Variants in ST6GALNAC5 observed in about 807,000 individuals in gnomAD.
ST6GALNAC5 encodes the protein alpha-N-acetylgalactosaminide alpha-2,6-sialyltransferase 5.
Under a neutral mutation model 33.6 loss-of-function variants are expected in ST6GALNAC5, and 27 were observed. That is an observed-to-expected ratio of 0.80 (90% CI 0.59 to 1.11). The LOEUF (loss-of-function observed/expected upper bound fraction) is 1.11. ST6GALNAC5 is among the 50% of genes least tolerant of loss of function. The pLI, the probability that ST6GALNAC5 is intolerant of heterozygous loss-of-function variation, is 0.00. For synonymous variants in ST6GALNAC5, 194 were observed against 171.2 expected (o/e 1.13, Z -1.04); for missense variants, 428 against 454.0 (o/e 0.94, Z 0.52).
chr1:76,995,508 G>T (rs940022570), intron 2 of ST6GALNAC5: 1 of 151,936 alleles, frequency 6.6e-6, no homozygotes, highest in African/African-American at 2.4e-5. Context: ...TCTTATTGAC[G>T]GACAAGTTAC....
chr1:77,003,554 T>C (rs1167979064), intron 2 of ST6GALNAC5, among the ~76,000 whole-genome samples: 1 of 151,892 alleles, frequency 6.6e-6, no homozygotes, highest in Non-Finnish European at 1.5e-5. Flanking sequence ...CTGGTTCTTT[T>C]GCTCATTAGT....
chr1:77,046,715 GT>G (rs1652022865), intron 3 of ST6GALNAC5, among the ~76,000 whole-genome samples: 1 of 152,200 alleles, frequency 6.6e-6, no homozygotes, highest in Admixed American at 6.5e-5. Context: ...GAATTATTTA[GT>G]TTCATTTTTT....
chr1:76,905,662 G>A (rs552752905), intron 2 of ST6GALNAC5, among the ~76,000 whole-genome samples: 2 of 152,254 alleles, frequency 1.3e-5, no homozygotes, highest in East Asian at 3.9e-4. Context: ...TGTTGATAAT[G>A]ACTAAAAATA....
chr1:76,981,909 A>C (rs1213498634), intron 2 of ST6GALNAC5, among the ~76,000 whole-genome samples: 1 of 152,256 alleles, frequency 6.6e-6, no homozygotes, highest in African/African-American at 2.4e-5. Context: ...ACAGACCTGC[A>C]GCTGAGAGAC....
At chr1:76,946,251 T>A (rs1410567849) in intron 2 of ST6GALNAC5, among the ~76,000 whole-genome samples, 1 of 152,100 alleles carries the variant, frequency 6.6e-6, no homozygotes, top group Non-Finnish European at 1.5e-5. Context: ...TATTATTGAT[T>A]TATTCATTTC....
intron 2 of ST6GALNAC5, among the ~76,000 whole-genome samples, chr1:76,953,473 C>T (rs180934263): frequency 9.9e-5 from 15 of 152,212 alleles, no homozygotes; most frequent in African/African-American, 3.6e-4. Flanking sequence ...CCTGTATCAC[C>T]TCTTTGGGGA....
At chr1:76,934,636 T>C (rs1647179827) in intron 2 of ST6GALNAC5, among the ~76,000 whole-genome samples, 1 of 152,026 alleles carries the variant, frequency 6.6e-6, no homozygotes. Context: ...TCCTGCTTCA[T>C]ATCCAGGTAA....
intron 2 of ST6GALNAC5, among the ~76,000 whole-genome samples, chr1:76,898,116 G>T (rs1425717578): frequency 1.3e-5 from 2 of 152,204 alleles, no homozygotes; most frequent in Non-Finnish European, 2.9e-5. Flanking sequence ...GGGAGTGGCT[G>T]CCAGGTGAGT....
chr1:77,012,210 G>A (rs1261669731), intron 2 of ST6GALNAC5, among the ~76,000 whole-genome samples: 1 of 152,158 alleles, frequency 6.6e-6, no homozygotes, highest in Non-Finnish European at 1.5e-5. Flanking sequence ...CTTCTCTGCA[G>A]AAATAATGTT....
intron 2 of ST6GALNAC5, among the ~76,000 whole-genome samples, chr1:76,913,819 C>G (rs1646939467): frequency 1.3e-5 from 2 of 152,104 alleles, no homozygotes; most frequent in South Asian, 4.1e-4. Context: ...TCCTTTTCAA[C>G]ATAGTGTTGG....
At chr1:76,933,763 CAAAAA>C (rs35621324) in intron 2 of ST6GALNAC5, among the ~76,000 whole-genome samples, 3 of 67,616 alleles carry the variant, frequency 4.4e-5, no homozygotes, top group Non-Finnish European at 8.2e-5. Flanking sequence ...TTTTCTCTGC[CAAAAA>C]AAAAAAAAAA....
chr1:77,005,020 C>G (rs1160828091), intron 2 of ST6GALNAC5, among the ~76,000 whole-genome samples: 6 of 150,916 alleles, frequency 4.0e-5, no homozygotes, highest in Admixed American at 4.0e-4. Flanking sequence ...TGGGCTCCAC[C>G]CAGTTCGAGC....
At chr1:76,956,779 A>G (rs540319489) in intron 2 of ST6GALNAC5, among the ~76,000 whole-genome samples, 1 of 152,294 alleles carries the variant, frequency 6.6e-6, no homozygotes, top group East Asian at 1.9e-4. Flanking sequence ...TGGTAGTTTT[A>G]CACAGTAACC....
At chr1:77,014,921 TTGAA>T (rs1650766000) in intron 2 of ST6GALNAC5, among the ~76,000 whole-genome samples, 1 of 152,174 alleles carries the variant, frequency 6.6e-6, no homozygotes. Flanking sequence ...GTTTAGAAAT[TTGAA>T]TGACTTCCTT....
intron 2 of ST6GALNAC5, among the ~76,000 whole-genome samples, chr1:76,888,830 G>A (rs1485158802): frequency 3.3e-5 from 5 of 151,994 alleles, no homozygotes; most frequent in African/African-American, 4.8e-5. Context: ...ACAGCATGAT[G>A]TTTTGGTATA....
intron 2 of ST6GALNAC5, among the ~76,000 whole-genome samples, chr1:76,893,975 G>C (rs1654069140): frequency 6.6e-6 from 1 of 152,146 alleles, no homozygotes; most frequent in Non-Finnish European, 1.5e-5. Context: ...AGACGCTCTT[G>C]ATATTCAGGT....
At chr1:77,036,846 T>A (rs1200114698) in intron 2 of ST6GALNAC5, among the ~76,000 whole-genome samples, 1 of 152,184 alleles carries the variant, frequency 6.6e-6, no homozygotes, top group Non-Finnish European at 1.5e-5. Flanking sequence ...TGTACAAATA[T>A]TATCTTAAGA....
chr1:76,879,748 C>T (rs1427257775), intron 2 of ST6GALNAC5, among the ~76,000 whole-genome samples: 1 of 152,160 alleles, frequency 6.6e-6, no homozygotes, highest in Admixed American at 6.5e-5. Flanking sequence ...GTTGCCACTA[C>T]TGGGGATGGG....
At chr1:77,045,719 G>A (rs1651985826) in intron 3 of ST6GALNAC5, among the ~76,000 whole-genome samples, 2 of 152,204 alleles carry the variant, frequency 1.3e-5, no homozygotes, top group Admixed American at 6.5e-5. Context: ...AGGTGTGAGA[G>A]AACATGCAGT....
Sources: gnomAD v4.1 joint callset for allele counts (sites outside exome capture counted in the v4.1 genomes callset) on GRCh38, gnomAD v4.1.1 for gene constraint, MANE v1.5 for transcripts, NCBI Gene and HGNC (gene_info 2026-07-23, HGNC 2026-07-21) for gene names.